Variants in ATP10B observed in about 807,000 individuals in gnomAD.
ATP10B encodes the protein ATPase phospholipid transporting 10B (putative), also known as phospholipid-transporting ATPase VB.
ATP10B carries 122 observed loss-of-function variants against 141.2 expected under a neutral mutation model. That is an observed-to-expected ratio of 0.86 (90% CI 0.75 to 1.00). The LOEUF is 1.00. Among genes scored for constraint, ATP10B ranks in the 50% least tolerant of loss-of-function variants. The probability of loss-of-function intolerance (pLI) is 0.00; values close to 1 mark genes in which losing one functional copy is unlikely to be tolerated. For synonymous variants in ATP10B, 685 were observed against 692.0 expected, an observed-to-expected ratio of 0.99 and a Z score of 0.16; for missense variants, 1,876 against 1,825.3, an observed-to-expected ratio of 1.03 and a Z score of -0.51.
the ATP10B span, among the ~76,000 whole-genome samples, chr5:160,857,445 T>C: frequency 6.6e-6 from 1 of 151,888 alleles, no homozygotes; most frequent in Admixed American, 6.6e-5. Flanking sequence ...GCTGGAGGTC[T>C]ATTAATTCTA....
At chr5:160,751,637 G>C (rs1003193688) in intron 2 of ATP10B, among the ~76,000 whole-genome samples, 2 of 152,112 alleles carry the variant, frequency 1.3e-5, no homozygotes, top group South Asian at 2.1e-4. Flanking sequence ...ACTCTTGGCT[G>C]CTGGTCAGAA....
intron 1 of ATP10B, among the ~76,000 whole-genome samples, chr5:160,802,121 C>A (rs2127932588): frequency 6.6e-6 from 1 of 152,258 alleles, no homozygotes; most frequent in Non-Finnish European, 1.5e-5. Context: ...GATTGCCTCT[C>A]TGGAAATGGT....
chr5:160,642,195 T>A (rs1477281), intron 9 of ATP10B, among the ~76,000 whole-genome samples: 2 of 152,178 alleles, frequency 1.3e-5, no homozygotes, highest in Non-Finnish European at 2.9e-5. Flanking sequence ...GGGTGAGTGA[T>A]CCTCTTTGTA....
intron 13 of ATP10B, among the ~76,000 whole-genome samples, chr5:160,626,727 T>G (rs1758632328): frequency 6.6e-6 from 1 of 152,240 alleles, no homozygotes; most frequent in African/African-American, 2.4e-5. Flanking sequence ...TTCATGCTGC[T>G]GCTCCGAGGA....
At chr5:160,687,639 C>T (rs541288693) in intron 5 of ATP10B, among the ~76,000 whole-genome samples, 161 bp downstream of exon 5, 1 of 152,068 alleles carries the variant, frequency 6.6e-6, no homozygotes, top group Admixed American at 6.5e-5. Flanking sequence ...GTGGTGCACG[C>T]CTGTGGTCCC....
chr5:160,821,026 G>C (rs779870047), intron 1 of ATP10B, among the ~76,000 whole-genome samples: 4 of 151,908 alleles, frequency 2.6e-5, no homozygotes, highest in Admixed American at 1.3e-4. Context: ...AATCAGACAA[G>C]GGAAAGAAAC....
Position 160,718,908 on chromosome 5 carries a change from C to T in ATP10B, c.-330-1874G>A, listed in dbSNP as rs1370532841. Among the ~76,000 whole-genome samples the T allele has an allele frequency of 4.6e-5, 7 of 152,264 alleles. No homozygotes were observed. In the South Asian group the frequency reaches 1.0e-3, roughly 23 times the overall value. On this transcript the variant is annotated intron_variant, in intron 2 of 25. Transcript: ENST00000327245. ...GAGTGCTCCTCGTGAACAGGGACTA[C>T]GTCTGGTTCAAGATCCGCCACTGTC... is the stretch of plus-strand genomic sequence containing the variant.
chr5:160,903,218 C>G, the ATP10B span, among the ~76,000 whole-genome samples: 1 of 152,092 alleles, frequency 6.6e-6, no homozygotes, highest in Non-Finnish European at 1.5e-5. Flanking sequence ...AGATCAGACC[C>G]AAGACTGGAA....
chr5:160,814,837 T>G (rs908776809), intron 1 of ATP10B, among the ~76,000 whole-genome samples: 2 of 152,186 alleles, frequency 1.3e-5, no homozygotes, highest in Non-Finnish European at 2.9e-5. Context: ...TATTCAACAT[T>G]CTTAAAGAAA....
chr5:160,905,674 C>T, the ATP10B span, among the ~76,000 whole-genome samples: 1 of 151,944 alleles, frequency 6.6e-6, no homozygotes, highest in African/African-American at 2.4e-5. Flanking sequence ...AACAAAGGAC[C>T]TGGGACTCAA....
At chr5:160,909,114 G>T in the ATP10B span, among the ~76,000 whole-genome samples, 1 of 152,172 alleles carries the variant, frequency 6.6e-6, no homozygotes, top group African/African-American at 2.4e-5. Context: ...ACAAAGAAAG[G>T]CAATTGCAAT....
intron 2 of ATP10B, among the ~76,000 whole-genome samples, chr5:160,750,009 G>T (rs763988405): frequency 6.6e-6 from 1 of 152,148 alleles, no homozygotes; most frequent in Admixed American, 6.5e-5. Flanking sequence ...CTTCTTTTAC[G>T]GGTATGGCTC....
At chr5:160,850,386 T>C (rs1753723710) in intron 1 of ATP10B, among the ~76,000 whole-genome samples, 1 of 152,080 alleles carries the variant, frequency 6.6e-6, no homozygotes, top group Non-Finnish European at 1.5e-5. Context: ...ATTGCGCCAC[T>C]GCACGCCAGC....
At chr5:160,696,251 C>T (rs1360626480) in intron 3 of ATP10B, among the ~76,000 whole-genome samples, 2 of 152,070 alleles carry the variant, frequency 1.3e-5, no homozygotes, top group African/African-American at 4.8e-5. Context: ...GGATTACAGG[C>T]ACCCGCCATC....
chr5:160,592,982 G>A (rs1271482169), intron 22 of ATP10B, among the ~76,000 whole-genome samples: 5 of 152,232 alleles, frequency 3.3e-5, no homozygotes, highest in Non-Finnish European at 2.9e-5. Context: ...CACCTCTGGG[G>A]GCAGGCCACA....
intron 1 of ATP10B, among the ~76,000 whole-genome samples, chr5:160,806,933 TCA>T (rs1375959825): frequency 6.6e-6 from 1 of 152,106 alleles, no homozygotes; most frequent in Non-Finnish European, 1.5e-5. Flanking sequence ...GAAATTTCCT[TCA>T]TGTAGGAGGT....
intron 3 of ATP10B, among the ~76,000 whole-genome samples, chr5:160,715,581 C>T (rs997436009): frequency 2.0e-4 from 31 of 151,832 alleles, no homozygotes; most frequent in African/African-American, 7.0e-4. Context: ...TCTTCTGCGT[C>T]GCTCACGCTG....
intron 1 of ATP10B, among the ~76,000 whole-genome samples, chr5:160,851,348 C>T (rs1408946232): frequency 6.6e-6 from 1 of 152,194 alleles, no homozygotes; most frequent in Non-Finnish European, 1.5e-5. Flanking sequence ...GTATTCATCA[C>T]AGACCTGCAT....
At chr5:160,615,755 T>C in intron 17 of ATP10B, 83 bp downstream of exon 17, 2 of 1,536,340 alleles carry the variant, frequency 1.3e-6, no homozygotes, top group East Asian at 2.3e-5. Context: ...GACATATTAG[T>C]AGTGTCAGAA....
Sources: allele counts gnomAD v4.1 joint callset (sites outside exome capture counted in the v4.1 genomes callset), GRCh38; gene constraint gnomAD v4.1.1; transcripts MANE v1.5; gene names NCBI Gene and HGNC (gene_info 2026-07-23, HGNC 2026-07-21).